The following MYO3B variants were observed in gnomAD, a reference collection of about 807,000 sequenced individuals.
The protein encoded by MYO3B is myosin-IIIb.
MYO3B carries 156 observed loss-of-function variants against 174.6 expected under a neutral mutation model. The ratio of observed to expected loss-of-function variants is 0.89; its 90% confidence interval spans 0.78 to 1.02. The LOEUF (loss-of-function observed/expected upper bound fraction) is 1.02, where lower values mean the gene tolerates loss of function less well. Ranked by LOEUF, MYO3B falls within the 50% of genes least tolerant of loss-of-function variation. MYO3B has a pLI of 0.00. For missense variants in MYO3B, 1,632 were observed against 1,639.4 expected, an observed-to-expected ratio of 1.00 and a Z score of 0.08; for synonymous variants, 563 against 569.1, an observed-to-expected ratio of 0.99 and a Z score of 0.15.
intron 7 of MYO3B, among the ~76,000 whole-genome samples, chr2:170,282,150 T>G (rs1006250630): frequency 5.9e-5 from 9 of 152,220 alleles, no homozygotes; most frequent in African/African-American, 2.2e-4. Context: ...GCCTGTGCTT[T>G]GAGGGTTTTA....
At chr2:170,380,114 C>A (rs1407129770) in intron 9 of MYO3B, among the ~76,000 whole-genome samples, 1 of 152,168 alleles carries the variant, frequency 6.6e-6, no homozygotes, top group Non-Finnish European at 1.5e-5. Flanking sequence ...TAGGATCTAG[C>A]TAGATAGAAT....
At chr2:170,196,580 G>A (rs555394518) in intron 1 of MYO3B, among the ~76,000 whole-genome samples, 87 of 152,320 alleles carry the variant, frequency 5.7e-4, no homozygotes, top group Non-Finnish European at 9.6e-4. Flanking sequence ...GAATGTATAA[G>A]TGAATGAACC....
intron 32 of MYO3B, among the ~76,000 whole-genome samples, chr2:170,611,119 G>A (rs977620798): frequency 2.6e-5 from 4 of 151,854 alleles, no homozygotes; most frequent in African/African-American, 9.7e-5. Context: ...AATTCATCAG[G>A]ACTACAAACA....
chr2:170,365,250 C>T (rs1419144870), intron 8 of MYO3B, among the ~76,000 whole-genome samples: 1 of 152,212 alleles, frequency 6.6e-6, no homozygotes, highest in African/African-American at 2.4e-5. Flanking sequence ...CCCATTTCCT[C>T]ACCTCTTAAA....
At chr2:170,336,024 G>A (rs2093945390) in intron 8 of MYO3B, among the ~76,000 whole-genome samples, 1 of 152,152 alleles carries the variant, frequency 6.6e-6, no homozygotes, top group Admixed American at 6.6e-5. Flanking sequence ...CACTAGGCAA[G>A]TATTGCTGGG....
chr2:170,490,862 T>C (rs1686422644), intron 25 of MYO3B, among the ~76,000 whole-genome samples: 1 of 152,196 alleles, frequency 6.6e-6, no homozygotes, highest in Admixed American at 6.5e-5. Context: ...TTCACAATAT[T>C]TCCCTGATTA....
chr2:170,619,737 C>CTTTTTTTTTTTTTTTTTTTTTTTTTTTT (rs71412032), intron 32 of MYO3B, among the ~76,000 whole-genome samples: 3 of 50,780 alleles, frequency 5.9e-5, no homozygotes, highest in African/African-American at 8.3e-5. Context: ...CTGCCATATT[C>CTTTTTTTTTTTTTTTTTTTTTTTTTTTT]TTTTTTTTTT....
intron 32 of MYO3B, among the ~76,000 whole-genome samples, chr2:170,590,555 G>T: frequency 6.7e-6 from 1 of 149,704 alleles, no homozygotes; most frequent in African/African-American, 2.5e-5. Context: ...ACATTTCCTT[G>T]CCCATTACCA....
intron 28 of MYO3B, among the ~76,000 whole-genome samples, chr2:170,508,555 G>A (rs909744216): frequency 1.3e-5 from 2 of 152,204 alleles, no homozygotes; most frequent in Non-Finnish European, 2.9e-5. Context: ...AGCACAGAGA[G>A]TTAAATAAGT....
intron 30 of MYO3B, 114 bp from the exon 31 acceptor site, chr2:170,542,792 A>G (rs1394982582): frequency 1.3e-6 from 1 of 795,066 alleles, no homozygotes; most frequent in Non-Finnish European, 1.9e-6. Context: ...ATGGGAAACC[A>G]TGGAAGCATA....
intron 7 of MYO3B, among the ~76,000 whole-genome samples, chr2:170,323,309 T>C (rs1447872617): frequency 6.6e-6 from 1 of 152,212 alleles, no homozygotes; most frequent in Non-Finnish European, 1.5e-5. Context: ...ATTCAGCATC[T>C]CAAACAAAAT....
chr2:170,305,461 TA>T (rs2105454656), intron 7 of MYO3B, among the ~76,000 whole-genome samples: 1 of 152,348 alleles, frequency 6.6e-6, no homozygotes, highest in African/African-American at 2.4e-5. Context: ...ATGGTAGTGA[TA>T]ATCTCAGAGG....
At chr2:170,474,397 C>A (rs1685177579) in intron 25 of MYO3B, among the ~76,000 whole-genome samples, 1 of 151,806 alleles carries the variant, frequency 6.6e-6, no homozygotes, top group Admixed American at 6.6e-5. Context: ...GAACCATGGC[C>A]TAATGGACTC....
intron 3 of MYO3B, among the ~76,000 whole-genome samples, chr2:170,212,253 A>C (rs902492573): frequency 6.6e-5 from 10 of 151,980 alleles, no homozygotes; most frequent in Non-Finnish European, 1.5e-4. Context: ...CAAAAAAAAA[A>C]AAAAAAAAGT....
intron 6 of MYO3B, among the ~76,000 whole-genome samples, chr2:170,226,894 C>T (rs555728854): frequency 3.3e-5 from 5 of 152,214 alleles, no homozygotes; most frequent in Admixed American, 1.3e-4. Context: ...GTTGCCCCTT[C>T]TCTTCATCCA....
At chr2:170,226,678 T>G (rs1486288387) in intron 6 of MYO3B, among the ~76,000 whole-genome samples, 1 of 152,118 alleles carries the variant, frequency 6.6e-6, no homozygotes, top group Non-Finnish European at 1.5e-5. Context: ...CTGGTGGGTC[T>G]AAATATAAGA....
At chr2:170,552,026 C>T (rs1354921805) in intron 32 of MYO3B, among the ~76,000 whole-genome samples, 5 of 152,128 alleles carry the variant, frequency 3.3e-5, no homozygotes, top group Non-Finnish European at 7.3e-5. Context: ...TCCTGTACAC[C>T]CTGTGGAACT....
At chr2:170,440,624 G>T (rs191157929) in intron 22 of MYO3B, among the ~76,000 whole-genome samples, 1 of 151,442 alleles carries the variant, frequency 6.6e-6, no homozygotes, top group Non-Finnish European at 1.5e-5. Flanking sequence ...TTGGTGGCGC[G>T]TGCCTCTAAT....
chr2:170,638,274 G>C (rs1015613005), intron 32 of MYO3B, among the ~76,000 whole-genome samples: 4 of 152,084 alleles, frequency 2.6e-5, no homozygotes. Context: ...TGCAGGTTTT[G>C]CTAACAGCTG....
Sources: gnomAD v4.1 joint callset for allele counts (sites outside exome capture counted in the v4.1 genomes callset) on GRCh38, gnomAD v4.1.1 for gene constraint, MANE v1.5 for transcripts, NCBI Gene and HGNC (gene_info 2026-07-23, HGNC 2026-07-21) for gene names.